FSTL5: variants seen among roughly 807,000 people sequenced by gnomAD.
FSTL5 encodes follistatin-related protein 5.
A neutral mutation model predicts 89.1 loss-of-function variants in FSTL5; 62 were observed. The ratio of observed to expected loss-of-function variants is 0.70; its 90% confidence interval spans 0.57 to 0.86. The LOEUF is 0.86. Ranked by LOEUF, FSTL5 falls within the 40% of genes least tolerant of loss-of-function variation. The pLI is 0.00. For missense variants in FSTL5, 1,057 were observed against 1,001.6 expected (o/e 1.06, Z -0.75); for synonymous variants, 383 against 346.2 (o/e 1.11, Z -1.18).
intron 6 of FSTL5, among the ~76,000 whole-genome samples, chr4:161,678,511 T>C (rs1204734715): frequency 6.6e-6 from 1 of 151,836 alleles, no homozygotes; most frequent in African/African-American, 2.4e-5. Flanking sequence ...AAAAAGAATA[T>C]TACAATTAAA....
At chr4:161,629,194 T>A (rs939470720) in intron 7 of FSTL5, among the ~76,000 whole-genome samples, 16 of 152,192 alleles carry the variant, frequency 1.1e-4, no homozygotes, top group African/African-American at 3.9e-4. Context: ...TTCCTTCATG[T>A]TTTGACTGAC....
At chr4:161,525,645 G>A (rs1731194004) in intron 10 of FSTL5, among the ~76,000 whole-genome samples, 1 of 152,122 alleles carries the variant, frequency 6.6e-6, no homozygotes, top group African/African-American at 2.4e-5. Flanking sequence ...GGATGTATGG[G>A]AATTCAATGC....
At chr4:162,051,273 C>G (rs1738371086) in intron 2 of FSTL5, among the ~76,000 whole-genome samples, 2 of 151,122 alleles carry the variant, frequency 1.3e-5, no homozygotes, top group South Asian at 4.2e-4. Flanking sequence ...ATATAATCAT[C>G]TAATAAGAGA....
chr4:161,890,705 A>AAG (rs1224391957), intron 4 of FSTL5, among the ~76,000 whole-genome samples: 2 of 151,486 alleles, frequency 1.3e-5, no homozygotes, highest in East Asian at 3.9e-4. Context: ...AAAAAAAAAA[A>AAG]ACAGGGTCTA....
At chr4:161,907,870 A>G (rs1245407229) in intron 4 of FSTL5, among the ~76,000 whole-genome samples, 1 of 152,020 alleles carries the variant, frequency 6.6e-6, no homozygotes, top group East Asian at 1.9e-4. Context: ...TTTCTTAACT[A>G]CCACATTTGC....
intron 8 of FSTL5, among the ~76,000 whole-genome samples, chr4:161,579,043 GA>G (rs1467551002): frequency 6.6e-6 from 1 of 152,074 alleles, no homozygotes; most frequent in East Asian, 1.9e-4. Flanking sequence ...AGGAGGATCA[GA>G]AATGCAAATG....
intron 3 of FSTL5, among the ~76,000 whole-genome samples, chr4:161,931,016 G>C (rs1279097346): frequency 6.6e-6 from 1 of 151,862 alleles, no homozygotes; most frequent in Non-Finnish European, 1.5e-5. Flanking sequence ...AGGGCTCCCA[G>C]AAAGCATTCT....
rs570282193 is a variant in FSTL5 at position 161,714,171 on chromosome 4, C to G, written c.727+45240G>C. On this transcript the variant is annotated intron_variant, in intron 6 of 15. Transcript: ENST00000306100. The stretch of plus-strand genomic sequence containing the variant: ...TGTGAAGAGCTGTTTCAGGAGCCTT[C>G]CATCTGGCTAGATGACTCAGAGGAC... 2.0e-5 allele frequency among the ~76,000 whole-genome samples: 3 copies of G among 152,220 alleles called. No individual in the cohort carries two copies. In the South Asian group the frequency reaches 6.2e-4, roughly 32 times the overall value.
intron 3 of FSTL5, among the ~76,000 whole-genome samples, chr4:161,992,847 CAAAAA>C (rs60808579): frequency 4.4e-5 from 1 of 22,894 alleles, no homozygotes; most frequent in African/African-American, 1.7e-4. Context: ...AACTCCATCT[CAAAAA>C]AAAAAAAAAA....
At chr4:161,812,168 G>A (rs1362643739) in intron 4 of FSTL5, among the ~76,000 whole-genome samples, 1 of 152,134 alleles carries the variant, frequency 6.6e-6, no homozygotes, top group Non-Finnish European at 1.5e-5. Flanking sequence ...GGCAACATTA[G>A]TTCTATAAAA....
chr4:161,622,461 T>C (rs572178402), intron 7 of FSTL5, among the ~76,000 whole-genome samples: 77 of 152,012 alleles, frequency 5.1e-4, no homozygotes, highest in South Asian at 1.0e-3. Flanking sequence ...TGAATAACTC[T>C]CCTGAATACA....
intron 8 of FSTL5, among the ~76,000 whole-genome samples, chr4:161,576,659 A>T (rs1733218762): frequency 6.6e-6 from 1 of 151,994 alleles, no homozygotes; most frequent in Non-Finnish European, 1.5e-5. Context: ...AACACATTAG[A>T]CTCTCCTTTT....
chr4:161,866,063 AT>A (rs1307840075), intron 4 of FSTL5, among the ~76,000 whole-genome samples: 1 of 152,132 alleles, frequency 6.6e-6, no homozygotes, highest in East Asian at 1.9e-4. Context: ...TGGAGTAAGG[AT>A]TTACTTCTAG....
chr4:161,548,480 G>C (rs1402515280), intron 8 of FSTL5, among the ~76,000 whole-genome samples: 1 of 151,994 alleles, frequency 6.6e-6, no homozygotes, highest in East Asian at 1.9e-4. Flanking sequence ...GAGTATGATA[G>C]ACAGTGTAGT....
At chr4:161,628,660 G>A (rs2126653276) in intron 7 of FSTL5, among the ~76,000 whole-genome samples, 2 of 152,228 alleles carry the variant, frequency 1.3e-5, no homozygotes, top group African/African-American at 4.8e-5. Flanking sequence ...TGAAATTTAG[G>A]TTTGAATTTT....
chr4:162,129,180 G>A (rs187356817), intron 1 of FSTL5, among the ~76,000 whole-genome samples: 68 of 152,228 alleles, frequency 4.5e-4, no homozygotes, highest in Admixed American at 4.1e-3. Context: ...TCATGCACCC[G>A]CCTTGGCCTT....
intron 4 of FSTL5, among the ~76,000 whole-genome samples, chr4:161,832,205 G>A (rs1181669465): frequency 6.6e-6 from 1 of 152,038 alleles, no homozygotes; most frequent in Non-Finnish European, 1.5e-5. Flanking sequence ...GAAAGGACAG[G>A]GGAAGAATTC....
At chr4:161,820,943 CA>C (rs33975990) in intron 4 of FSTL5, among the ~76,000 whole-genome samples, 95,166 of 138,840 alleles carry the variant, frequency 0.69, 31,839 homozygotes, top group Non-Finnish European at 0.73. Context: ...ATTGGTTGTC[CA>C]AAAAAAAAAA....
At chr4:161,528,254 C>G (rs186560744) in intron 10 of FSTL5, among the ~76,000 whole-genome samples, 1 of 140,470 alleles carries the variant, frequency 7.1e-6, no homozygotes, top group Non-Finnish European at 1.5e-5. Flanking sequence ...ATGTAACTAA[C>G]CTGCACATTG....
Sources: gnomAD v4.1 joint callset for allele counts (sites outside exome capture counted in the v4.1 genomes callset) on GRCh38, gnomAD v4.1.1 for gene constraint, MANE v1.5 for transcripts, NCBI Gene and HGNC (gene_info 2026-07-23, HGNC 2026-07-21) for gene names.